SMG6: variants seen among roughly 807,000 people sequenced by gnomAD.
SMG6 encodes telomerase-binding protein EST1A.
In SMG6, 66 loss-of-function variants were observed where a neutral mutation model predicts 142.2. The observed-to-expected ratio is 0.46, with a 90% CI of 0.38 to 0.57. The LOEUF (loss-of-function observed/expected upper bound fraction) is 0.57, where lower values mean the gene tolerates loss of function less well. Among genes scored for constraint, SMG6 ranks in the 20% least tolerant of loss-of-function variants. SMG6 has a pLI of 0.00. For missense variants in SMG6, 1,793 were observed against 1,832.0 expected (o/e 0.98, Z 0.39); for synonymous variants, 779 against 702.4 (o/e 1.11, Z -1.72).
In SMG6 at chr17:2,126,939, C is replaced by T. The variant is rs112649493; in HGVS notation, c.3358-41038G>A. Among the ~76,000 whole-genome samples, 406 of 151,846 alleles carry T rather than the reference C, an allele frequency of 2.7e-3. 2 individuals carry two copies. The highest frequency in any genetic ancestry group is 9.0e-3 in the African/African-American group (373 of 41,408). ...AGACACAAACATACATGCACACATGCGCACACATGCACACACACACATATA... is the reference window on the plus strand; with the variant it reads ...AGACACAAACATACATGCACACATGTGCACACATGCACACACACACATATA... On this transcript the variant is annotated intron_variant, in intron 13 of 18. Coordinates refer to ENST00000263073, the MANE Select transcript of SMG6 (RefSeq NM_017575.5).
chr17:2,237,873 A>G (rs778192733), intron 9 of SMG6, among the ~76,000 whole-genome samples: 5 of 152,156 alleles, frequency 3.3e-5, no homozygotes, highest in Admixed American at 6.5e-5. Context: ...TATGCCAAAC[A>G]ATTCGTGGTC....
intron 13 of SMG6, among the ~76,000 whole-genome samples, chr17:2,105,754 T>C (rs370528170): frequency 1.3e-5 from 2 of 152,208 alleles, no homozygotes; most frequent in Non-Finnish European, 2.9e-5. Context: ...TCACTTAGAT[T>C]CATTTCATTT....
chr17:2,088,162 G>A (rs2068616305), intron 13 of SMG6: 8 of 985,272 alleles, frequency 8.1e-6, no homozygotes, highest in South Asian at 9.4e-5. Flanking sequence ...AGTGTGCCAC[G>A]GACACATGCA....
chr17:2,076,746 G>T (rs1178070327), intron 15 of SMG6, among the ~76,000 whole-genome samples: 1 of 152,232 alleles, frequency 6.6e-6, no homozygotes, highest in Admixed American at 6.5e-5. Context: ...AAATCCTCTT[G>T]TGGCTGTGAG....
intron 10 of SMG6, among the ~76,000 whole-genome samples, chr17:2,226,168 G>T (rs2073310839): frequency 6.6e-6 from 1 of 152,034 alleles, no homozygotes; most frequent in African/African-American, 2.4e-5. Context: ...CCAGCTACTA[G>T]GGAGGCTGAG....
intron 9 of SMG6, chr17:2,240,155 G>A (rs2073764934): frequency 6.6e-6 from 1 of 152,116 alleles, no homozygotes; most frequent in Non-Finnish European, 1.5e-5. Context: ...CATCGTTTTC[G>A]GGCTGTGTGT....
chr17:2,180,348 T>A (rs1333831936), intron 12 of SMG6, among the ~76,000 whole-genome samples: 1 of 152,178 alleles, frequency 6.6e-6, no homozygotes, highest in East Asian at 1.9e-4. Context: ...CCTGCTATAA[T>A]CCTCTATACC....
intron 10 of SMG6, among the ~76,000 whole-genome samples, chr17:2,222,159 C>T (rs909171192): frequency 7.9e-5 from 12 of 151,978 alleles, no homozygotes; most frequent in African/African-American, 2.7e-4. Flanking sequence ...CCCCTATAAG[C>T]AGGGAGCTTA....
At position 2,107,908 on chromosome 17, in the gene SMG6, T is replaced by C. The variant is rs548037326; in HGVS notation, c.3358-22007A>G. On this transcript the variant is annotated intron_variant, in intron 13 of 18. Coordinates refer to ENST00000263073, the MANE Select transcript of SMG6 (RefSeq NM_017575.5). ...ATTTTATTTCCAAAATGGTATTTTGTTGTTCTCCTTCAAGGGCACCCAAGT... is the reference window on the plus strand; with the variant it reads ...ATTTTATTTCCAAAATGGTATTTTGCTGTTCTCCTTCAAGGGCACCCAAGT... Among the ~76,000 whole-genome samples, 5 of 152,306 alleles carry C rather than the reference T, an allele frequency of 3.3e-5. No individual in the cohort carries two copies. In the South Asian group the frequency reaches 1.0e-3, roughly 32 times the overall value.
intron 10 of SMG6, among the ~76,000 whole-genome samples, chr17:2,191,258 C>G (rs950113586): frequency 2.0e-5 from 3 of 152,186 alleles, no homozygotes; most frequent in Non-Finnish European, 4.4e-5. Flanking sequence ...CTTCCACAGG[C>G]TAGAAACCGT....
At chr17:2,298,485 C>T (rs1597236362) in intron 2 of SMG6, among the ~76,000 whole-genome samples, 2 of 151,974 alleles carry the variant, frequency 1.3e-5, no homozygotes, top group South Asian at 2.1e-4. Context: ...TTTGGGAGGC[C>T]GAGGCAGGCG....
chr17:2,134,122 A>G (rs1020859518), intron 13 of SMG6, among the ~76,000 whole-genome samples: 1 of 152,166 alleles, frequency 6.6e-6, no homozygotes, highest in Non-Finnish European at 1.5e-5. Context: ...ATGATCTCAG[A>G]TAAATCAGTC....
chr17:2,166,024 C>T lies in SMG6; in HGVS notation c.3357+6634G>A, dbSNP rs538766422. ...GTCAGGAGTCTGAGACCAGCCTGGC[C>T]GACATAGCAAAACCCCGTCTCTACT... On this transcript the variant is annotated intron_variant, in intron 13 of 18. Transcript: ENST00000263073. 7.9e-5 allele frequency among the ~76,000 whole-genome samples: 12 copies of T among 152,162 alleles called. No homozygotes were observed. The East Asian group carries it at 9.7e-4, about 12-fold the overall frequency.
rs2068543630 is a variant in SMG6, at chr17:2,085,742, T to A, written c.3517A>T (p.Thr1173Ser). The change falls in exon 14 of 19, where the codon ACA becomes TCA. Residue 1173 changes from threonine (T) to serine (S), a missense_variant. By Grantham distance (58) the Thr-to-Ser change is moderately conservative. Around this residue, in one of 3 missense-constraint regions of SMG6, gnomAD observed 1,597 missense variants for 1,584.6 expected, o/e 1.01. Transcript: ENST00000263073. This position sits in a 1 kb window ranked among gnomAD's most constrained non-coding sequence, Gnocchi z 4.1. ...CATAGTACCTCATCTTCCAGTCGTG[T>A]TCCCTCTTGGCTTCCCATTTCCTTT... ...MGKEMGSQEG[T>S]RLEDEEEDVV... 2 of 1,613,906 alleles carry A rather than the reference T, an allele frequency of 1.2e-6. No homozygotes were observed. Among genetic ancestry groups the A allele is most frequent in the Non-Finnish European group, 1.7e-6 (2 of 1,179,906 alleles).
intron 13 of SMG6, among the ~76,000 whole-genome samples, chr17:2,162,641 G>T (rs192028440): frequency 6.6e-6 from 1 of 151,900 alleles, no homozygotes; most frequent in African/African-American, 2.4e-5. Flanking sequence ...ACCAGCCTGA[G>T]GAACACAGCT....
At chr17:2,198,078 C>G (rs2072387516) in intron 10 of SMG6, among the ~76,000 whole-genome samples, 1 of 152,092 alleles carries the variant, frequency 6.6e-6, no homozygotes, top group Non-Finnish European at 1.5e-5. Flanking sequence ...TAGAAACAAC[C>G]CAAATGTCTT....
intron 13 of SMG6, among the ~76,000 whole-genome samples, chr17:2,155,412 C>T (rs1238120850): frequency 6.6e-6 from 1 of 152,082 alleles, no homozygotes; most frequent in Non-Finnish European, 1.5e-5. Flanking sequence ...ATAAAGTATC[C>T]ATGTGAAAAT....
chr17:2,170,361 C>G (rs947580676), intron 13 of SMG6, among the ~76,000 whole-genome samples: 1 of 152,164 alleles, frequency 6.6e-6, no homozygotes, highest in Non-Finnish European at 1.5e-5. Context: ...GTCTGAAGCT[C>G]GTTAGGACTC....
chr17:2,161,103 C>A (rs1305831382), intron 13 of SMG6, among the ~76,000 whole-genome samples: 1 of 133,872 alleles, frequency 7.5e-6, no homozygotes, highest in Non-Finnish European at 1.5e-5. Context: ...ACATAACTGA[C>A]CCTTTTTTTT....
Sources: allele counts gnomAD v4.1 joint callset (sites outside exome capture counted in the v4.1 genomes callset), GRCh38; gene constraint gnomAD v4.1.1; regional missense constraint gnomAD v4.1.1; non-coding constraint Gnocchi (gnomAD v3.1); transcripts MANE v1.5; gene names NCBI Gene and HGNC (gene_info 2026-07-23, HGNC 2026-07-21).